Variants in KIF26B observed in about 807,000 individuals in gnomAD.
KIF26B encodes kinesin-like protein KIF26B.
Under a neutral mutation model 151.2 loss-of-function variants are expected in KIF26B, and 63 were observed. The ratio of observed to expected loss-of-function variants is 0.42; its 90% CI spans 0.34 to 0.51. The LOEUF (loss-of-function observed/expected upper bound fraction) is 0.51. Ranked by LOEUF, KIF26B falls within the 20% of genes least tolerant of loss-of-function variation. The pLI, the probability that KIF26B is intolerant of heterozygous loss-of-function variation, is 0.07. For synonymous variants in KIF26B, 1,357 were observed against 1,262.1 expected, an observed-to-expected ratio of 1.08 and a Z score of -1.59; for missense variants, 2,813 against 2,913.6, an observed-to-expected ratio of 0.97 and a Z score of 0.79.
chr1:245,432,197 C>A (rs921852624), intron 4 of KIF26B, among the ~76,000 whole-genome samples: 7 of 152,090 alleles, frequency 4.6e-5, no homozygotes, highest in African/African-American at 1.7e-4. Flanking sequence ...GGGAGATGGG[C>A]GGCTAAGTCT....
intron 2 of KIF26B, among the ~76,000 whole-genome samples, chr1:245,180,023 G>A (rs1470438412): frequency 6.6e-6 from 1 of 152,244 alleles, no homozygotes; most frequent in Non-Finnish European, 1.5e-5. Context: ...AGAACTGTAA[G>A]AGGACCATGT....
intron 10 of KIF26B, among the ~76,000 whole-genome samples, chr1:245,666,747 G>A (rs188203862): frequency 1.9e-4 from 29 of 151,722 alleles, no homozygotes; most frequent in Admixed American, 2.0e-4. Context: ...CAAATGGTAC[G>A]GACAAGTTAA....
At position 245,476,527 on chromosome 1, in the gene KIF26B, TTTACTTAC is replaced by T. The variant is rs140608728; in HGVS notation, c.1166+56801_1166+56808del. Among the ~76,000 whole-genome samples the T allele has an allele frequency of 2.1e-4, 27 of 127,936 alleles. 1 individual carries two copies. The highest frequency in any genetic ancestry group is 6.5e-4 in the Admixed American group (8 of 12,214). 83.9% of individuals were successfully genotyped at this position (127,936 alleles called of 152,430 possible). ...ATTTATTTATTTATTTATTTATTTA[TTTACTTAC>T]TTACTTACTTACTTACTTGAGACAG... On this transcript the variant is annotated intron_variant, in intron 4 of 14. Coordinates refer to ENST00000407071, the MANE Select transcript of KIF26B (RefSeq NM_018012.4).
chr1:245,457,220 C>T (rs1280067998), intron 4 of KIF26B, among the ~76,000 whole-genome samples: 1 of 152,086 alleles, frequency 6.6e-6, no homozygotes, highest in Non-Finnish European at 1.5e-5. Flanking sequence ...AATTGATGTA[C>T]AGTGTTGGTT....
At chr1:245,561,503 T>C (rs1341618788) in intron 5 of KIF26B, among the ~76,000 whole-genome samples, 2 of 152,232 alleles carry the variant, frequency 1.3e-5, no homozygotes, top group African/African-American at 4.8e-5. Flanking sequence ...GCATTGATAT[T>C]TGAAAATTCT....
At chr1:245,537,314 A>T (rs1661509373) in intron 4 of KIF26B, among the ~76,000 whole-genome samples, 1 of 152,036 alleles carries the variant, frequency 6.6e-6, no homozygotes, top group African/African-American at 2.4e-5. Context: ...CAAAGAAGAG[A>T]GTAGTAGGAA....
intron 2 of KIF26B, among the ~76,000 whole-genome samples, chr1:245,248,327 G>A (rs536161083): frequency 2.6e-5 from 4 of 152,294 alleles, no homozygotes; most frequent in South Asian, 4.2e-4. Flanking sequence ...CACTGAGGGC[G>A]CCTGGCATGC....
At chr1:245,434,336 G>C (rs1425839754) in intron 4 of KIF26B, among the ~76,000 whole-genome samples, 1 of 152,174 alleles carries the variant, frequency 6.6e-6, no homozygotes, top group Non-Finnish European at 1.5e-5. Context: ...GAGAGAGGTA[G>C]TGAAAGAGAG....
At chr1:245,469,954 G>C (rs550825097) in intron 4 of KIF26B, among the ~76,000 whole-genome samples, 3 of 152,092 alleles carry the variant, frequency 2.0e-5, no homozygotes, top group South Asian at 2.1e-4. Flanking sequence ...GGAATTCTAT[G>C]GGAGTTCAAA....
intron 5 of KIF26B, among the ~76,000 whole-genome samples, chr1:245,574,253 T>C (rs57197519): frequency 0.034 from 5,114 of 152,158 alleles, 330 homozygotes; most frequent in African/African-American, 0.12. Flanking sequence ...AAGCGATTCT[T>C]GAGCCTCAGC....
intron 3 of KIF26B, among the ~76,000 whole-genome samples, chr1:245,376,421 T>C (rs1399728649): frequency 5.4e-5 from 8 of 147,810 alleles, no homozygotes; most frequent in African/African-American, 1.0e-4. Flanking sequence ...ACTTGGGAGA[T>C]TAAAAAAAAA....
At position 245,357,459 on chromosome 1, in the gene KIF26B, C is replaced by T. The variant is rs772552983; in HGVS notation, c.466-9375C>T. Among the ~76,000 whole-genome samples the T allele has an allele frequency of 2.6e-5, 4 of 152,170 alleles. No individual in the cohort carries two copies. In the South Asian group the frequency reaches 8.3e-4, roughly 31 times the overall value. On this transcript the variant is annotated intron_variant, in intron 2 of 14. Coordinates refer to ENST00000407071, the MANE Select transcript of KIF26B (RefSeq NM_018012.4). ...GAAGGGAGACATCCCTTCTGGGAGT[C>T]AGACTTCGCGGAAGAGCGGGGCCTT...
At chr1:245,246,271 T>C (rs947641913) in intron 2 of KIF26B, among the ~76,000 whole-genome samples, 1 of 152,194 alleles carries the variant, frequency 6.6e-6, no homozygotes, top group Non-Finnish European at 1.5e-5. Flanking sequence ...AGTTCCACTT[T>C]TTAGGTGGAG....
chr1:245,365,866 A>T (rs1459423107), intron 2 of KIF26B, among the ~76,000 whole-genome samples: 2 of 152,218 alleles, frequency 1.3e-5, no homozygotes, highest in Non-Finnish European at 2.9e-5. Flanking sequence ...CTCCAAGGTC[A>T]CAAGTGGCAG....
At chr1:245,527,847 A>C (rs1306001434) in intron 4 of KIF26B, among the ~76,000 whole-genome samples, 4 of 151,898 alleles carry the variant, frequency 2.6e-5, no homozygotes, top group Non-Finnish European at 5.9e-5. Flanking sequence ...ATGGCTTTTT[A>C]ATGCATGTTT....
Position 245,155,290 on chromosome 1 carries a change from A to C in KIF26B, c.-135A>C, listed in dbSNP as rs1573676046. The C allele has an allele frequency of 1.4e-6, 1 of 704,506 alleles. No homozygotes were observed. Among genetic ancestry groups the C allele is most frequent in the East Asian group, 2.8e-5 (1 of 35,824 alleles). 43.6% of individuals were successfully genotyped at this position (704,506 alleles called of 1,614,324 possible). A position where few individuals can be genotyped will look rare whatever the true frequency, so the allele number is the denominator to read the frequency against. On this transcript the variant is annotated 5_prime_UTR_variant, in exon 1 of 15. Coordinates refer to ENST00000407071, the MANE Select transcript of KIF26B (RefSeq NM_018012.4). ...GATCCATTTGCTTTCATTCCCTCCCACCCCACCGCTGAAGAAACCTTGCCC... is the reference window on the plus strand; with the variant it reads ...GATCCATTTGCTTTCATTCCCTCCCCCCCCACCGCTGAAGAAACCTTGCCC...
At chr1:245,435,975 G>C (rs548179585) in intron 4 of KIF26B, among the ~76,000 whole-genome samples, 5 of 152,036 alleles carry the variant, frequency 3.3e-5, no homozygotes, top group Admixed American at 1.3e-4. Context: ...TCAGGAGTTC[G>C]AGACCAGCCT....
intron 3 of KIF26B, among the ~76,000 whole-genome samples, chr1:245,408,809 A>G (rs1166434279): frequency 6.6e-6 from 1 of 152,190 alleles, no homozygotes; most frequent in Non-Finnish European, 1.5e-5. Flanking sequence ...CACAGGCCTT[A>G]TCTGCTCCAG....
At chr1:245,278,979 C>T (rs1394520547) in intron 2 of KIF26B, among the ~76,000 whole-genome samples, 1 of 152,170 alleles carries the variant, frequency 6.6e-6, no homozygotes, top group African/African-American at 2.4e-5. Flanking sequence ...AGGCTCTCCT[C>T]AGATTCATTC....
Sources: gnomAD v4.1 joint callset for allele counts (sites outside exome capture counted in the v4.1 genomes callset) on GRCh38, gnomAD v4.1.1 for gene constraint, MANE v1.5 for transcripts, NCBI Gene and HGNC (gene_info 2026-07-23, HGNC 2026-07-21) for gene names.